Variants in BTD observed in about 807,000 individuals in gnomAD.
The protein encoded by BTD is biocytinase.
Under a neutral mutation model 17.7 loss-of-function variants are expected in BTD, and 13 were observed. The observed-to-expected ratio is 0.74, with a 90% confidence interval of 0.48 to 1.17. The LOEUF (loss-of-function observed/expected upper bound fraction) is 1.17, where lower values mean the gene tolerates loss of function less well. Among genes scored for constraint, BTD ranks in the 50% most tolerant of loss-of-function variants. BTD has a pLI of 0.00. For synonymous variants in BTD, 240 were observed against 245.2 expected, an observed-to-expected ratio of 0.98 and a Z score of 0.20; for missense variants, 674 against 650.4, an observed-to-expected ratio of 1.04 and a Z score of -0.39.
chr3:15,703,782 G>A (rs2070959515), intron 3 of BTD, among the ~76,000 whole-genome samples: 1 of 152,166 alleles, frequency 6.6e-6, no homozygotes, highest in African/African-American at 2.4e-5. Context: ...GATAGAGGAC[G>A]GAAGAGTTAT....
intron 1 of BTD, among the ~76,000 whole-genome samples, chr3:15,614,567 T>A (rs1184413590): frequency 6.6e-6 from 1 of 151,880 alleles, no homozygotes; most frequent in Non-Finnish European, 1.5e-5. Context: ...ACAAAATGTC[T>A]CCATTTGGTT....
At chr3:15,671,535 GT>G (rs2066350972) in intron 3 of BTD, among the ~76,000 whole-genome samples, 1 of 151,418 alleles carries the variant, frequency 6.6e-6, no homozygotes, top group African/African-American at 2.4e-5. Context: ...GACTTATGGG[GT>G]AGTAATTTCC....
chr3:15,670,682 T>C (rs2066247082), intron 3 of BTD: 1 of 998,974 alleles, frequency 1.0e-6, no homozygotes, highest in Admixed American at 2.9e-5. Context: ...AATAAATTGC[T>C]GTAACCAGCA....
intron 3 of BTD, among the ~76,000 whole-genome samples, chr3:15,665,891 C>T (rs894394603): frequency 6.6e-6 from 1 of 152,196 alleles, no homozygotes; most frequent in African/African-American, 2.4e-5. Context: ...GGAAGCACAA[C>T]TCACAGCAGG....
chr3:15,711,862 T>C (rs141638641), exon 4 of BTD, among the ~76,000 whole-genome samples: 2,354 of 114,482 alleles, frequency 0.021, 35 homozygotes, highest in Non-Finnish European at 0.04. Context: ...AATTTTTTTT[T>C]GTATTTTTTT....
At chr3:15,686,742 A>AT (rs1391012091) in intron 3 of BTD, among the ~76,000 whole-genome samples, 2 of 152,226 alleles carry the variant, frequency 1.3e-5, no homozygotes, top group Non-Finnish European at 2.9e-5. Context: ...TGAGATGCCG[A>AT]TAAGTCTAGA....
rs2065738416 is a variant in BTD, at chr3:15,648,212, C to T, written c.*2724C>T. Among the ~76,000 whole-genome samples, 1 of 152,228 alleles carries T rather than the reference C, an allele frequency of 6.6e-6. No homozygotes were observed. ...TGATTCTCAATGAAACTCAGAACCG[C>T]TCAAGTGAAATGACCACTCAAAGAA... On this transcript the variant is annotated 3_prime_UTR_variant, in exon 4 of 4. Transcript: ENST00000643237.
In BTD at chr3:15,601,845, G is replaced by A; in HGVS notation, c.-66G>A. On this transcript the variant is annotated 5_prime_UTR_variant, in exon 1 of 4. Transcript: ENST00000643237. ...GCTGGAGCGTTTTCGGGGCTGTAAA[G>A]GGAGAATGGCGCATGCGCATATTCA... The A allele has an allele frequency of 6.2e-7, 1 of 1,614,232 alleles. No homozygotes were observed. Among genetic ancestry groups the A allele is most frequent in the Middle Eastern group, 1.7e-4 (1 of 6,060 alleles).
intron 3 of BTD, chr3:15,677,402 AT>A: frequency 9.3e-7 from 1 of 1,070,144 alleles, no homozygotes; most frequent in Non-Finnish European, 1.4e-6. Context: ...TGAGTTGTTC[AT>A]TTTAGTGAAG....
At chr3:15,637,049 G>A (rs1046922532) in intron 2 of BTD, among the ~76,000 whole-genome samples, 1 of 152,112 alleles carries the variant, frequency 6.6e-6, no homozygotes. Flanking sequence ...CTGCCACCAC[G>A]ATTCTATCGT....
intron 1 of BTD, among the ~76,000 whole-genome samples, chr3:15,628,781 G>A (rs1004554547): frequency 2.0e-4 from 31 of 151,826 alleles, no homozygotes; most frequent in African/African-American, 7.3e-4. Context: ...GTTCATTTTC[G>A]ACCACCGAAG....
chr3:15,675,892 A>G (rs1234354295), intron 3 of BTD: 1 of 1,603,464 alleles, frequency 6.2e-7, no homozygotes, highest in South Asian at 1.1e-5. Context: ...TATAGAACCA[A>G]CTTACCATTT....
chr3:15,694,646 G>A (rs2069273686), intron 3 of BTD: 4 of 1,053,888 alleles, frequency 3.8e-6, no homozygotes, highest in South Asian at 3.0e-5. Context: ...TGGACCAAAA[G>A]TTTATGGTAC....
In BTD at chr3:15,639,291, C is replaced by A. The variant is rs190305519; in HGVS notation, c.250-2617C>A. On this transcript the variant is annotated intron_variant, in intron 2 of 3. Coordinates refer to ENST00000643237, the MANE Select transcript of BTD (RefSeq NM_001370658.1). ...TTTAAATGTTATTCTCCATGAAAAA[C>A]CAAAGTTTTGTTTTTAATAAAGAAA... Among the ~76,000 whole-genome samples the A allele has an allele frequency of 5.3e-5, 8 of 151,100 alleles. No individual in the cohort carries two copies. The South Asian group carries it at 1.3e-3, about 24-fold the overall frequency.
chr3:15,638,473 C>A (rs951220384), intron 2 of BTD, among the ~76,000 whole-genome samples: 2 of 152,148 alleles, frequency 1.3e-5, no homozygotes, highest in African/African-American at 4.8e-5. Context: ...CTTATCTTAG[C>A]CACAAAGTGA....
chr3:15,707,425 T>C (rs1362578917), intron 3 of BTD, among the ~76,000 whole-genome samples: 1 of 152,230 alleles, frequency 6.6e-6, no homozygotes, highest in African/African-American at 2.4e-5. Context: ...AAGCAACATG[T>C]AGTACCTACT....
chr3:15,661,008 G>A (rs930517308), intron 3 of BTD, among the ~76,000 whole-genome samples: 8 of 152,148 alleles, frequency 5.3e-5, no homozygotes, highest in Middle Eastern at 3.2e-3. Context: ...GGTCATGCCT[G>A]TAATCCCAGC....
At position 15,650,128 on chromosome 3, in the gene BTD, T is replaced by G. The variant is rs138952625; in HGVS notation, c.*4640T>G. 4.4e-3 allele frequency among the ~76,000 whole-genome samples: 672 copies of G among 152,358 alleles called. 8 individuals carry two copies. Among genetic ancestry groups the G allele is most frequent in the South Asian group, 0.015 (73 of 4,830 alleles). On this transcript the variant is annotated 3_prime_UTR_variant, in exon 4 of 4. Coordinates refer to ENST00000643237, the MANE Select transcript of BTD (RefSeq NM_001370658.1). ...CGTTCAGCATGGCACTGTCTTGGCT[T>G]ACAAAATCTGCTCTATGCTTGCTGA...
At chr3:15,686,184 G>A (rs759935767) in intron 3 of BTD, 12 of 1,588,346 alleles carry the variant, frequency 7.6e-6, no homozygotes, top group Admixed American at 7.1e-5. Context: ...TTCGAAATAC[G>A]CCCTTCTGTG....
Sources: gnomAD v4.1 joint callset for allele counts (sites outside exome capture counted in the v4.1 genomes callset) on GRCh38, gnomAD v4.1.1 for gene constraint, MANE v1.5 for transcripts, NCBI Gene and HGNC (gene_info 2026-07-23, HGNC 2026-07-21) for gene names.